GARNL3: variants seen among roughly 807,000 people sequenced by gnomAD.
The protein encoded by GARNL3 is GTPase activating Rap/RanGAP domain like 3.
Under a neutral mutation model 125.0 loss-of-function variants are expected in GARNL3, and 63 were observed. The ratio of observed to expected loss-of-function variants is 0.50; its 90% CI spans 0.41 to 0.62. The LOEUF (loss-of-function observed/expected upper bound fraction) is 0.62, where lower values mean the gene tolerates loss of function less well. Among genes scored for constraint, GARNL3 ranks in the 20% least tolerant of loss-of-function variants. The pLI is 0.00. For missense variants in GARNL3, 994 were observed against 1,244.0 expected, an observed-to-expected ratio of 0.80 and a Z score of 3.02; for synonymous variants, 439 against 457.5, an observed-to-expected ratio of 0.96 and a Z score of 0.52.
intron 1 of GARNL3, among the ~76,000 whole-genome samples, chr9:127,233,729 T>C (rs1417159749): frequency 6.6e-6 from 1 of 152,202 alleles, no homozygotes; most frequent in Non-Finnish European, 1.5e-5. Context: ...TAGTAATGCA[T>C]AGAACCCACG....
At chr9:127,295,726 CTT>C (rs59742421) in intron 2 of GARNL3, among the ~76,000 whole-genome samples, 1 of 146,938 alleles carries the variant, frequency 6.8e-6, no homozygotes, top group African/African-American at 2.5e-5. Flanking sequence ...AATGAAAGCA[CTT>C]TTTTTTTTTT....
At chr9:127,307,409 A>G (rs1347346322) in intron 2 of GARNL3, among the ~76,000 whole-genome samples, 2 of 152,204 alleles carry the variant, frequency 1.3e-5, no homozygotes, top group South Asian at 2.1e-4. Flanking sequence ...CCATCCACGC[A>G]TCTCTTGGAG....
intron 1 of GARNL3, among the ~76,000 whole-genome samples, chr9:127,285,310 A>G (rs1588756375): frequency 6.6e-6 from 1 of 152,172 alleles, no homozygotes; most frequent in East Asian, 1.9e-4. Context: ...GCATGCCTGT[A>G]ATCGCAGGAG....
At chr9:127,370,057 C>T (rs1462602455) in intron 22 of GARNL3, among the ~76,000 whole-genome samples, 1 of 152,190 alleles carries the variant, frequency 6.6e-6, no homozygotes, top group Non-Finnish European at 1.5e-5. Context: ...GCTCTCTTGA[C>T]TGTGGTTAGC....
rs755472355 is a variant in GARNL3 at position 127,388,953 on chromosome 9, G to A, written c.2577G>A (p.Val859=). The A allele has an allele frequency of 6.8e-6, 11 of 1,613,344 alleles. No individual in the cohort carries two copies. In the South Asian group the frequency reaches 1.2e-4, roughly 18 times the overall value. The part of the protein sequence containing the change: ...NLYKIPLRNL[V]GRSIERPLKS... ...ACAAGATTCCACTTAGAAACCTCGT[G>A]GGCAGAAGCATCGAACGACCTCTGA... Residue 859 remains valine (V), a synonymous_variant, in exon 26 of 28, where the codon GTG becomes GTA. Coordinates refer to ENST00000373387, the MANE Select transcript of GARNL3 (RefSeq NM_032293.5).
chr9:127,288,378 G>A (rs1281296604), intron 1 of GARNL3, among the ~76,000 whole-genome samples: 1 of 152,216 alleles, frequency 6.6e-6, no homozygotes, highest in Non-Finnish European at 1.5e-5. Context: ...TGCTGGAATA[G>A]AGGTGGGATT....
chr9:127,264,727 A>G, upstream of GARNL3: 4 of 1,253,110 alleles, frequency 3.2e-6, no homozygotes, highest in Non-Finnish European at 4.0e-6. Context: ...CTATACTTCC[A>G]GGGATGACTC....
intron 12 of GARNL3, 111 bp downstream of exon 12, chr9:127,338,272 G>A: frequency 1.2e-6 from 1 of 862,490 alleles, no homozygotes. Context: ...TTTAATATGA[G>A]TGCCTGCACC....
chr9:127,389,921 TAAAAA>T (rs1169168184), intron 26 of GARNL3, among the ~76,000 whole-genome samples: 3 of 78,684 alleles, frequency 3.8e-5, no homozygotes, highest in African/African-American at 1.0e-4. Context: ...ACCCTGTCTT[TAAAAA>T]AAAAAAAAAA....
At chr9:127,231,035 CATATAT>C (rs200926096) in intron 1 of GARNL3, among the ~76,000 whole-genome samples, 8 of 55,828 alleles carry the variant, frequency 1.4e-4, no homozygotes, top group Admixed American at 7.9e-4. Context: ...TGTATATATA[CATATAT>C]ATATATATAT....
At chr9:127,248,971 C>T (rs934338412) in intron 2 of GARNL3, among the ~76,000 whole-genome samples, 4 of 151,690 alleles carry the variant, frequency 2.6e-5, no homozygotes, top group Admixed American at 1.3e-4. Flanking sequence ...TCCAAAAAGA[C>T]AAGAAAGGGT....
chr9:127,229,020 C>T (rs56347740), intron 1 of GARNL3, among the ~76,000 whole-genome samples: 1,640 of 152,286 alleles, frequency 0.011, 22 homozygotes, highest in Non-Finnish European at 0.018. Flanking sequence ...ACCGGGGTTT[C>T]ACCATGATGG....
At chr9:127,361,793 T>G (rs1286506771) in intron 21 of GARNL3, 1 of 152,226 alleles carries the variant, frequency 6.6e-6, no homozygotes, top group African/African-American at 2.4e-5. Context: ...ACCCCCCTGG[T>G]GTCTGTGGTC....
intron 7 of GARNL3, among the ~76,000 whole-genome samples, chr9:127,325,609 C>A (rs1435682250): frequency 6.6e-6 from 1 of 152,172 alleles, no homozygotes; most frequent in East Asian, 1.9e-4. Flanking sequence ...ATAGCAGTAT[C>A]TTTTGTCTTG....
intron 27 of GARNL3, among the ~76,000 whole-genome samples, chr9:127,391,538 A>G (rs1832859115): frequency 1.7e-5 from 2 of 120,146 alleles, no homozygotes; most frequent in African/African-American, 6.2e-5. Context: ...AAAAAAATAT[A>G]TATATATATA....
intron 2 of GARNL3, among the ~76,000 whole-genome samples, chr9:127,306,741 A>T (rs1420871005): frequency 1.3e-5 from 2 of 150,448 alleles, no homozygotes; most frequent in African/African-American, 4.9e-5. Context: ...AAAAAAAAAA[A>T]GCTGGTGTGG....
intron 2 of GARNL3, among the ~76,000 whole-genome samples, chr9:127,295,910 T>G (rs923661515): frequency 2.0e-5 from 3 of 152,150 alleles, no homozygotes; most frequent in African/African-American, 7.2e-5. Context: ...CATTGTAATA[T>G]ATAATGAAAT....
At chr9:127,329,404 A>G (rs148009458) in intron 7 of GARNL3, among the ~76,000 whole-genome samples, 7 of 152,206 alleles carry the variant, frequency 4.6e-5, no homozygotes, top group Non-Finnish European at 1.5e-5. Flanking sequence ...AAGATCCTAC[A>G]CCCTTGGGTG....
chr9:127,336,215 A>G lies in GARNL3; in HGVS notation c.961A>G (p.Met321Val), dbSNP rs1307774939. 6.8e-6 allele frequency: 11 copies of G among 1,613,224 alleles called. No individual in the cohort carries two copies. Among genetic ancestry groups the G allele is most frequent in the Non-Finnish European group, 9.3e-6 (11 of 1,179,298 alleles). Reference sequence around the variant, plus strand: ...ATCTTCTCCTGCCTTTAAGCCTTCCATGATCCGCTCCCACTTTACACGTAT... The same window carrying G: ...ATCTTCTCCTGCCTTTAAGCCTTCCGTGATCCGCTCCCACTTTACACGTAT... ...EESSPAFKPS[M>V]IRSHFTHIFA... Residue 321 changes from methionine to valine, a missense_variant, in exon 11 of 28, where the codon ATG becomes GTG. Met to Val is a conservative substitution (Grantham distance 21, BLOSUM62 1). This residue lies in a region of GARNL3 where 728 missense variants were observed against 865.7 expected (regional missense o/e 0.84). Transcript: ENST00000373387.
Sources: gnomAD v4.1 joint callset for allele counts (sites outside exome capture counted in the v4.1 genomes callset) on GRCh38, gnomAD v4.1.1 for gene constraint, gnomAD v4.1.1 regional missense constraint, MANE v1.5 for transcripts, NCBI Gene and HGNC (gene_info 2026-07-23, HGNC 2026-07-21) for gene names.